PPP1R26: variants seen among roughly 807,000 people sequenced by gnomAD.
PPP1R26 encodes protein phosphatase 1 regulatory subunit 26.
PPP1R26 carries 22 observed loss-of-function variants against 67.6 expected under a neutral mutation model. The observed-to-expected ratio is 0.33, with a 90% CI of 0.23 to 0.46. The LOEUF (loss-of-function observed/expected upper bound fraction) is 0.46. Among genes scored for constraint, PPP1R26 ranks in the 20% least tolerant of loss-of-function variants. The probability of loss-of-function intolerance (pLI) is 1.00; values close to 1 mark genes in which losing one functional copy is unlikely to be tolerated. For synonymous variants in PPP1R26, 729 were observed against 717.2 expected, an observed-to-expected ratio of 1.02 and a Z score of -0.26; for missense variants, 1,602 against 1,651.4, an observed-to-expected ratio of 0.97 and a Z score of 0.52.
Position 135,487,472 on chromosome 9 carries a change from A to T in PPP1R26, c.2962A>T (p.Thr988Ser). 6.2e-7 allele frequency: 1 copy of T among 1,610,696 alleles called. No individual in the cohort carries two copies. The highest frequency in any genetic ancestry group is 1.1e-5 in the South Asian group (1 of 90,962). ...GQLPSCATAG[T>S]EAGGARGTFH... The stretch of plus-strand genomic sequence containing the variant: ...GCTGCCCAGCTGTGCCACAGCGGGC[A>T]CCGAGGCAGGAGGCGCCAGAGGAAC... Residue 988 changes from threonine to serine, a missense_variant, in exon 4 of 4, where the codon ACC becomes TCC. Physicochemically the swap from Thr to Ser is moderately conservative, Grantham distance 58 (BLOSUM62 1). Around this residue, in one of 5 missense-constraint regions of PPP1R26, gnomAD observed 740 missense variants for 696.3 expected, o/e 1.06. Transcript: ENST00000356818.
Position 135,485,617 on chromosome 9 carries a change from G to A in PPP1R26, c.1107G>A (p.Glu369=). The change falls in exon 4 of 4, where the codon GAG becomes GAA. Residue 369 remains glutamate (E), a synonymous_variant. Coordinates refer to ENST00000356818, the MANE Select transcript of PPP1R26 (RefSeq NM_014811.5). This position sits in a 1 kb window ranked among gnomAD's most constrained non-coding sequence, Gnocchi z 7.2. ...ACTCCAGCAGCGACGATGGCATTGA[G>A]GAGGCCATCCAGCTGTACCAGCTGC... ...ASDSSSDDGI[E]EAIQLYQLQK... 3 of 1,613,134 alleles carry A rather than the reference G, an allele frequency of 1.9e-6. No individual in the cohort carries two copies. The highest frequency in any genetic ancestry group is 1.1e-5 in the South Asian group (1 of 91,070).
rs1167081437 is a variant in PPP1R26, at chr9:135,487,033, T to G, written c.2523T>G (p.Ile841Met). The change falls in exon 4 of 4, where the codon ATT (isoleucine) becomes ATG (methionine). Residue 841 changes from isoleucine to methionine, a missense_variant. This residue lies in a region of PPP1R26 where 740 missense variants were observed against 696.3 expected (regional missense o/e 1.06). Transcript: ENST00000356818. ...GCAACGACAGCATCGAACTGGAGAT[T>G]AGGAAGTTTTTGGCGGAAAAGGCCA... The part of the protein sequence containing the change: ...VDSNDSIELE[I>M]RKFLAEKAKE... 1.2e-6 allele frequency: 2 copies of G among 1,611,290 alleles called. No individual in the cohort carries two copies. The highest frequency in any genetic ancestry group is 1.7e-6 in the Non-Finnish European group (2 of 1,179,656).
chr9:135,487,468 G>A lies in PPP1R26; in HGVS notation c.2958G>A (p.Ala986=), dbSNP rs141279007. ...GTCAGCTGCCCAGCTGTGCCACAGC[G>A]GGCACCGAGGCAGGAGGCGCCAGAG... ...AFGQLPSCAT[A]GTEAGGARGT... is the part of the protein sequence containing the mutation. Residue 986 remains alanine, a synonymous_variant, in exon 4 of 4, where the codon GCG becomes GCA. Transcript: ENST00000356818. 2.1e-5 allele frequency: 34 copies of A among 1,610,508 alleles called. No individual in the cohort carries two copies. The highest frequency in any genetic ancestry group is 3.3e-5 in the Admixed American group (2 of 59,958).
rs1830633031 is a variant in PPP1R26 at position 135,484,514 on chromosome 9, T to G, written c.4T>G (p.Phe2Val). The G allele has an allele frequency of 6.3e-7, 1 of 1,588,424 alleles. No individual in the cohort carries two copies. The highest frequency in any genetic ancestry group is 1.4e-5 in the African/African-American group (1 of 73,296). The stretch of plus-strand genomic sequence containing the variant: ...GCGCCCCTCCCCGTCTGCTAGAATG[T>G]TTCTCATGAACGCTTCTCCAGTGGT... The part of the protein sequence containing the change: M[F>V]LMNASPVVAL... Residue 2 changes from phenylalanine to valine, a missense_variant, in exon 4 of 4, where the codon TTT (phenylalanine) becomes GTT (valine). This residue lies in a region of PPP1R26 where 168 missense variants were observed against 176.1 expected (regional missense o/e 0.95). Transcript: ENST00000356818.
In PPP1R26 at chr9:135,485,360, CA is replaced by C; in HGVS notation, c.851del (p.Gln284ArgfsTer12). 6.2e-7 allele frequency: 1 copy of C among 1,612,908 alleles called. No individual in the cohort carries two copies. Among genetic ancestry groups the C allele is most frequent in the Non-Finnish European group, 8.5e-7 (1 of 1,180,010 alleles). ...VVHRQGLLGV[Q>X]KEFAFRKPPR... ...GCATCGGCAGGGCCTGCTGGGCGTC[CA>C]GAAGGAGTTTGCCTTCCGCAAACCT... is the stretch of plus-strand genomic sequence containing the variant. On this transcript the variant is annotated frameshift_variant, in exon 4 of 4. Coordinates refer to ENST00000356818, the MANE Select transcript of PPP1R26 (RefSeq NM_014811.5). LOFTEE classifies it high-confidence loss of function. The surrounding 1 kb of genome is among the most constrained non-coding windows in gnomAD (Gnocchi z 7.2).
At position 135,485,667 on chromosome 9, in the gene PPP1R26, G is replaced by A. The variant is rs763339390; in HGVS notation, c.1157G>A (p.Gly386Glu). The change falls in exon 4 of 4, where the codon GGG becomes GAG. Residue 386 changes from glycine to glutamate, a missense_variant. Physicochemically the swap from Gly to Glu is moderately conservative, Grantham distance 98. Transcript: ENST00000356818. This position sits in a 1 kb window ranked among gnomAD's most constrained non-coding sequence, Gnocchi z 7.2. ...QLQKTRKEAD[G>E]DLPQRVQLRE... is the part of the protein sequence containing the mutation. ...CAGAAAACACGCAAGGAGGCCGACG[G>A]GGACCTGCCCCAGAGGGTCCAACTC... 6.2e-7 allele frequency: 1 copy of A among 1,611,906 alleles called. No individual in the cohort carries two copies. The highest frequency in any genetic ancestry group is 1.1e-5 in the South Asian group (1 of 91,026).
chr9:135,484,213 T>A, intron 3 of PPP1R26, 131 bp downstream of exon 3: 3 of 475,878 alleles, frequency 6.3e-6, no homozygotes, highest in Middle Eastern at 5.3e-4. Context: ...TCTTACTGAA[T>A]CTTCCCAGCA....
At position 135,488,264 on chromosome 9, in the gene PPP1R26, A is replaced by G. The variant is rs1312229859; in HGVS notation, c.*124A>G. 3.1e-6 allele frequency: 4 copies of G among 1,271,762 alleles called. No homozygotes were observed. Among genetic ancestry groups the G allele is most frequent in the African/African-American group, 1.5e-5 (1 of 65,426 alleles). The allele number at this position is 1,271,762 out of a possible 1,614,324, so 78.8% of individuals were successfully genotyped here. A position where few individuals can be genotyped will look rare whatever the true frequency, so the allele number is the denominator to read the frequency against. The stretch of plus-strand genomic sequence containing the variant: ...AACAGTCTATTATACATAGCCCTGT[A>G]TATATGTACACCAACATGAAACTTT... On this transcript the variant is annotated 3_prime_UTR_variant, in exon 4 of 4. Transcript: ENST00000356818.
In PPP1R26 at chr9:135,487,230, GCA is replaced by G; in HGVS notation, c.2723_2724del (p.Thr908ArgfsTer62). 1 of 1,584,810 alleles carries G rather than the reference GCA, an allele frequency of 6.3e-7. No individual in the cohort carries two copies. Among genetic ancestry groups the G allele is most frequent in the East Asian group, 2.2e-5 (1 of 44,662 alleles). On this transcript the variant is annotated frameshift_variant, in exon 4 of 4. Coordinates refer to ENST00000356818, the MANE Select transcript of PPP1R26 (RefSeq NM_014811.5). LOFTEE classifies it high-confidence loss of function. ...CCACATCTGGCCGAAGGGCTTCGAG[GCA>G]CAGAGAGCGCAGGAGCACAGGGCAC... is the stretch of plus-strand genomic sequence containing the variant.
chr9:135,486,555 A>G lies in PPP1R26; in HGVS notation c.2045A>G (p.Asp682Gly). The G allele has an allele frequency of 1.9e-6, 3 of 1,612,202 alleles. No homozygotes were observed. The highest frequency in any genetic ancestry group is 2.5e-6 in the Non-Finnish European group (3 of 1,180,010). ...CTAGACGAGAAAGAGAGCTCTGAAG[A>G]CAAAAGCAGCTCCCTGGACAGTGAC... is the stretch of plus-strand genomic sequence containing the variant. ...RRLDEKESSE[D>G]KSSSLDSDED... Residue 682 changes from aspartate to glycine, a missense_variant, in exon 4 of 4, where the codon GAC becomes GGC. Physicochemically the swap from Asp to Gly is moderately conservative, Grantham distance 94. Coordinates refer to ENST00000356818, the MANE Select transcript of PPP1R26 (RefSeq NM_014811.5). This position sits in a 1 kb window ranked among gnomAD's most constrained non-coding sequence, Gnocchi z 6.2.
At position 135,487,399 on chromosome 9, in the gene PPP1R26, CCAG is replaced by C. The variant is rs1564210464; in HGVS notation, c.2890_2892del (p.Gln964del). On this transcript the variant is annotated inframe_deletion, in exon 4 of 4. Transcript: ENST00000356818. ...GGAGAAATGTTTACGTTCACAAAGA[CCAG>C]AGCCCACGAGGGGCTGAGCCTGCTG... is the stretch of plus-strand genomic sequence containing the variant. The C allele has an allele frequency of 6.3e-7, 1 of 1,587,468 alleles. No individual in the cohort carries two copies. Among genetic ancestry groups the C allele is most frequent in the African/African-American group, 1.4e-5 (1 of 74,024 alleles).
intron 2 of PPP1R26, 36 bp from the exon 3 acceptor site, chr9:135,483,914 T>C (rs1332007390): frequency 5.0e-6 from 2 of 398,794 alleles, no homozygotes; most frequent in Non-Finnish European, 8.8e-6. Flanking sequence ...GGAAATAATT[T>C]CTGAGTGGCT....
Position 135,486,238 on chromosome 9 carries a change from C to A in PPP1R26, c.1728C>A (p.Gly576=). ...CGCCTGGCCTCAACAGCCAGACCGG[C>A]GGCCACAAGACCCCTCTCTCTAAAA... ...LLPPGLNSQT[G]GHKTPLSKTP... is the part of the protein sequence containing the mutation. Residue 576 remains glycine, a synonymous_variant, in exon 4 of 4, where the codon GGC becomes GGA. Coordinates refer to ENST00000356818, the MANE Select transcript of PPP1R26 (RefSeq NM_014811.5). The surrounding 1 kb of genome is among the most constrained non-coding windows in gnomAD (Gnocchi z 6.2). 1 of 1,612,988 alleles carries A rather than the reference C, an allele frequency of 6.2e-7. No homozygotes were observed. The highest frequency in any genetic ancestry group is 1.1e-5 in the South Asian group (1 of 91,090).
chr9:135,481,331 C>A (rs886693534), intron 1 of PPP1R26, among the ~76,000 whole-genome samples: 1 of 151,156 alleles, frequency 6.6e-6, no homozygotes, highest in African/African-American at 2.4e-5. Flanking sequence ...ATCTCCGCCT[C>A]CCTGGTTCAA....
Position 135,487,696 on chromosome 9 carries a change from G to A in PPP1R26, c.3186G>A (p.Gly1062=), listed in dbSNP as rs775161068. 2.8e-6 allele frequency: 4 copies of A among 1,451,756 alleles called. No homozygotes were observed. The highest frequency in any genetic ancestry group is 3.6e-6 in the Non-Finnish European group (4 of 1,102,398). The allele number at this position is 1,451,756 out of a possible 1,614,324, so 89.9% of individuals were successfully genotyped here. A position where few individuals can be genotyped will look rare whatever the true frequency, so the allele number is the denominator to read the frequency against. ...GCGTCGGGAGCGAGAGAGACAAGGG[G>A]TCCGAGGGCCCCGCCCGGGGCCTGC... ...RGGVGSERDK[G]SEGPARGLPS... is the part of the protein sequence containing the mutation. Residue 1062 remains glycine, a synonymous_variant, in exon 4 of 4, where the codon GGG becomes GGA. Transcript: ENST00000356818.
chr9:135,487,201 G>A lies in PPP1R26; in HGVS notation c.2691G>A (p.Gly897=), dbSNP rs770262121. The part of the protein sequence containing the change: ...GVCTRSQRAR[G]VPHLAEGLRG... ...GCACACGCAGCCAGAGGGCCAGGGG[G>A]GTCCCACATCTGGCCGAAGGGCTTC... The change falls in exon 4 of 4, where the codon GGG becomes GGA. Residue 897 remains glycine (G), a synonymous_variant. Transcript: ENST00000356818. 8 of 1,601,814 alleles carry A rather than the reference G, an allele frequency of 5.0e-6. No individual in the cohort carries two copies. The highest frequency in any genetic ancestry group is 6.8e-6 in the Non-Finnish European group (8 of 1,175,552).
In PPP1R26 at chr9:135,486,113, G is replaced by A. The variant is rs775254669; in HGVS notation, c.1603G>A (p.Glu535Lys). 7 of 1,612,954 alleles carry A rather than the reference G, an allele frequency of 4.3e-6. No individual in the cohort carries two copies. Among genetic ancestry groups the A allele is most frequent in the East Asian group, 2.2e-5 (1 of 44,888 alleles). ...SSSVDSDDSI[E>K]QEIRTFLALK... ...CTCCGTGGACAGCGATGACAGCATCGAGCAGGAAATCCGGACATTTTTGGC... is the reference window on the plus strand; with the variant it reads ...CTCCGTGGACAGCGATGACAGCATCAAGCAGGAAATCCGGACATTTTTGGC... The change falls in exon 4 of 4, where the codon GAG (glutamate) becomes AAG (lysine). Residue 535 changes from glutamate (E) to lysine (K), a missense_variant. Coordinates refer to ENST00000356818, the MANE Select transcript of PPP1R26 (RefSeq NM_014811.5). This position sits in a 1 kb window ranked among gnomAD's most constrained non-coding sequence, Gnocchi z 6.2.
chr9:135,480,760 A>G (rs1389762255), intron 1 of PPP1R26: 2 of 152,264 alleles, frequency 1.3e-5, no homozygotes, highest in African/African-American at 2.4e-5. Context: ...CAGCTTCTGG[A>G]AGGCTGGGAG....
Position 135,479,856 on chromosome 9 carries a change from C to T in PPP1R26, c.-495C>T, listed in dbSNP as rs913307425. The stretch of plus-strand genomic sequence containing the variant: ...GGCGGCGCGCGGGGAGGCGGGGAGG[C>T]GGGGGGCCCGGCCGGACGCCCCTGC... On this transcript the variant is annotated 5_prime_UTR_variant, in exon 1 of 4. Transcript: ENST00000356818. The surrounding 1 kb of genome is among the most constrained non-coding windows in gnomAD (Gnocchi z 5.9). 3 of 134,832 alleles carry T rather than the reference C, an allele frequency of 2.2e-5. No individual in the cohort carries two copies. Among genetic ancestry groups the T allele is most frequent in the Admixed American group, 2.2e-4 (3 of 13,868 alleles). 8.4% of individuals were successfully genotyped at this position (134,832 alleles called of 1,614,324 possible). A position where few individuals can be genotyped will look rare whatever the true frequency, so the allele number is the denominator to read the frequency against.
Sources: allele counts gnomAD v4.1 joint callset (sites outside exome capture counted in the v4.1 genomes callset), GRCh38; gene constraint gnomAD v4.1.1; regional missense constraint gnomAD v4.1.1; non-coding constraint Gnocchi (gnomAD v3.1); transcripts MANE v1.5; gene names NCBI Gene and HGNC (gene_info 2026-07-23, HGNC 2026-07-21).